TBC1D1: variants seen among roughly 807,000 people sequenced by gnomAD.
TBC1D1 encodes TBC1 (tre-2/USP6, BUB2, cdc16) domain family, member 1.
Under a neutral mutation model 125.6 loss-of-function variants are expected in TBC1D1, and 89 were observed. The ratio of observed to expected loss-of-function variants is 0.71; its 90% CI spans 0.60 to 0.85. TBC1D1 has a LOEUF of 0.85. Ranked by LOEUF, TBC1D1 falls within the 40% of genes least tolerant of loss-of-function variation. The pLI, the probability that TBC1D1 is intolerant of heterozygous loss-of-function variation, is 0.00. For missense variants in TBC1D1, 1,377 were observed against 1,469.2 expected (o/e 0.94, Z 1.03); for synonymous variants, 565 against 564.1 (o/e 1.00, Z -0.02).
intron 12 of TBC1D1, among the ~76,000 whole-genome samples, chr4:38,062,493 CTT>C (rs968868000): frequency 2.6e-5 from 4 of 152,084 alleles, no homozygotes; most frequent in Non-Finnish European, 5.9e-5. Flanking sequence ...TTCTGTATAA[CTT>C]TGCTTTTCTG....
chr4:38,052,601 C>T (rs1346320986), intron 11 of TBC1D1, among the ~76,000 whole-genome samples: 2 of 152,096 alleles, frequency 1.3e-5, no homozygotes, highest in African/African-American at 2.4e-5. Flanking sequence ...TCCCAAAGTG[C>T]TGGGATTACA....
At position 38,113,071 on chromosome 4, in the gene TBC1D1, T is replaced by C. The variant is rs78622032; in HGVS notation, c.2558-2639T>C. 8.3e-3 allele frequency among the ~76,000 whole-genome samples: 1,262 copies of C among 152,318 alleles called. 18 individuals are homozygous for C. The highest frequency in any genetic ancestry group is 0.029 in the African/African-American group (1,206 of 41,560). On this transcript the variant is annotated intron_variant, in intron 15 of 19. Transcript: ENST00000261439. ...AGCAAGGCTGGGAGGAAGGTGGCTATAGCTATTTCTGGAAGCTGCTTAGGG... is the reference window on the plus strand; with the variant it reads ...AGCAAGGCTGGGAGGAAGGTGGCTACAGCTATTTCTGGAAGCTGCTTAGGG...
At chr4:37,960,045 G>T (rs2380956) in intron 2 of TBC1D1, among the ~76,000 whole-genome samples, 95,608 of 152,132 alleles carry the variant, frequency 0.63, 30,894 homozygotes, top group East Asian at 0.96. Flanking sequence ...GTATGCAAAA[G>T]TACATTATAA....
At chr4:37,957,559 C>G (rs1377018851) in intron 2 of TBC1D1, among the ~76,000 whole-genome samples, 2 of 152,094 alleles carry the variant, frequency 1.3e-5, no homozygotes, top group Non-Finnish European at 2.9e-5. Context: ...TTCGAGGCTA[C>G]AGTGAGCTAT....
intron 17 of TBC1D1, among the ~76,000 whole-genome samples, chr4:38,121,911 A>G (rs534582279): frequency 2.0e-5 from 3 of 152,330 alleles, no homozygotes; most frequent in East Asian, 1.9e-4. Flanking sequence ...GTTGTCCCCA[A>G]GTGTCATCAG....
intron 8 of TBC1D1, among the ~76,000 whole-genome samples, chr4:38,040,211 A>T (rs1748081096): frequency 6.6e-6 from 1 of 152,218 alleles, no homozygotes; most frequent in Non-Finnish European, 1.5e-5. Context: ...ACACATGCAT[A>T]CAAATGCACT....
At chr4:37,979,001 C>G (rs181857380) in intron 2 of TBC1D1, among the ~76,000 whole-genome samples, 297 of 152,278 alleles carry the variant, frequency 2.0e-3, no homozygotes, top group African/African-American at 6.7e-3. Context: ...CTCAGCCTCC[C>G]CAGTAGCTGG....
intron 2 of TBC1D1, among the ~76,000 whole-genome samples, chr4:37,935,932 T>C (rs1724298870): frequency 6.6e-6 from 1 of 152,156 alleles, no homozygotes; most frequent in South Asian, 2.1e-4. Flanking sequence ...TCTTCTATAT[T>C]CTCTTCAGCT....
At chr4:38,044,595 G>A in intron 9 of TBC1D1, 105 bp downstream of exon 9, 3 of 1,209,502 alleles carry the variant, frequency 2.5e-6, no homozygotes, top group South Asian at 1.9e-5. Flanking sequence ...AAAGGTAAAA[G>A]TATAAAACCT....
rs558938887 is a variant in TBC1D1, at chr4:38,106,775, A to C, written c.2557+3618A>C. Among the ~76,000 whole-genome samples, 28 of 152,290 alleles carry C rather than the reference A, an allele frequency of 1.8e-4. No homozygotes were observed. In the South Asian group the frequency reaches 1.9e-3, roughly 10 times the overall value. ...ATCACTTTTCTGCAGAGGGAAAAGA[A>C]GAGACCAGATCAGAACAAGGGCCTC... On this transcript the variant is annotated intron_variant, in intron 15 of 19. Coordinates refer to ENST00000261439, the MANE Select transcript of TBC1D1 (RefSeq NM_015173.4).
intron 12 of TBC1D1, chr4:38,060,537 T>G: frequency 1.2e-6 from 1 of 848,530 alleles, no homozygotes; most frequent in Non-Finnish European, 1.7e-6. Context: ...GAGAAGTGTC[T>G]GTTCATGAGA....
chr4:38,028,444 G>A (rs1745495499), intron 7 of TBC1D1, among the ~76,000 whole-genome samples: 1 of 152,218 alleles, frequency 6.6e-6, no homozygotes, highest in Admixed American at 6.5e-5. Flanking sequence ...GATTACAGGC[G>A]TGAGCCACCA....
At chr4:38,060,534 G>T in intron 12 of TBC1D1, 2 of 812,270 alleles carry the variant, frequency 2.5e-6, no homozygotes, top group Non-Finnish European at 3.5e-6. Context: ...TTTGAGAAGT[G>T]TCTGTTCATG....
intron 2 of TBC1D1, among the ~76,000 whole-genome samples, chr4:37,923,121 G>C (rs1039974046): frequency 2.0e-5 from 3 of 151,826 alleles, no homozygotes; most frequent in African/African-American, 7.3e-5. Context: ...CCCACCCCTT[G>C]ACAGGCCCTG....
chr4:38,027,645 AAT>A, intron 6 of TBC1D1, 141 bp from the exon 7 acceptor site: 2 of 510,568 alleles, frequency 3.9e-6, no homozygotes, highest in East Asian at 3.4e-5. Flanking sequence ...CAAAAAAAAA[AAT>A]AAAATATTTT....
intron 15 of TBC1D1, among the ~76,000 whole-genome samples, chr4:38,115,017 T>C (rs1762744549): frequency 6.6e-6 from 1 of 151,928 alleles, no homozygotes; most frequent in Admixed American, 6.6e-5. Flanking sequence ...GGGTGCAGGG[T>C]GCAGCAGTGG....
chr4:38,130,453 CAG>C (rs1399859304), intron 18 of TBC1D1, among the ~76,000 whole-genome samples: 1 of 152,138 alleles, frequency 6.6e-6, no homozygotes, highest in East Asian at 1.9e-4. Context: ...CTTTGGCAAA[CAG>C]AAGAGAAATT....
chr4:37,923,327 G>A (rs1231243873), intron 2 of TBC1D1, among the ~76,000 whole-genome samples: 1 of 152,086 alleles, frequency 6.6e-6, no homozygotes, highest in African/African-American at 2.4e-5. Context: ...GTGTATATGT[G>A]CCCCATTTTC....
chr4:38,020,628 G>T lies in TBC1D1; in HGVS notation c.1010G>T (p.Arg337Leu). 9 of 1,613,104 alleles carry T rather than the reference G, an allele frequency of 5.6e-6. No homozygotes were observed. The highest frequency in any genetic ancestry group is 7.6e-6 in the Non-Finnish European group (9 of 1,179,378). Residue 337 changes from arginine to leucine, a missense_variant, in exon 5 of 20, where the codon CGG becomes CTG. Arg to Leu is a moderately radical substitution (Grantham distance 102). Transcript: ENST00000261439. ...GTGGACCACTTTGGGTTTATCTGTC[G>T]GGAGTCTTCCGGAGGTGGCGGCTTT... is the stretch of plus-strand genomic sequence containing the variant.
Sources: allele counts gnomAD v4.1 joint callset (sites outside exome capture counted in the v4.1 genomes callset), GRCh38; gene constraint gnomAD v4.1.1; transcripts MANE v1.5; gene names NCBI Gene and HGNC (gene_info 2026-07-23, HGNC 2026-07-21).